Variants in EPHA8 observed in about 807,000 individuals in gnomAD.
EPHA8 encodes EPH receptor A8, also known as ephrin type-A receptor 8.
In EPHA8, 58 loss-of-function variants were observed where a neutral mutation model predicts 103.6. The ratio of observed to expected loss-of-function variants is 0.56; its 90% CI spans 0.45 to 0.70. The LOEUF (loss-of-function observed/expected upper bound fraction) is 0.70, where lower values mean the gene tolerates loss of function less well. Ranked by LOEUF, EPHA8 falls within the 30% of genes least tolerant of loss-of-function variation. The pLI, the probability that EPHA8 is intolerant of heterozygous loss-of-function variation, is 0.00. For missense variants in EPHA8, 1,304 were observed against 1,395.2 expected, an observed-to-expected ratio of 0.93 and a Z score of 1.04; for synonymous variants, 559 against 572.5, an observed-to-expected ratio of 0.98 and a Z score of 0.34.
Position 22,569,327 on chromosome 1 carries a change from G to A in EPHA8, c.133G>A (p.Gly45Ser), listed in dbSNP as rs45498698. ...LDTSTIHGDW[G>S]WLTYPAHGWD... Reference sequence around the variant, plus strand: ...CACGTCGACCATCCACGGGGACTGGGGCTGGCTCACGTATCCGGCTCATGG... The same window carrying A: ...CACGTCGACCATCCACGGGGACTGGAGCTGGCTCACGTATCCGGCTCATGG... The change falls in exon 2 of 17, where the codon GGC (glycine) becomes AGC (serine). Residue 45 changes from glycine to serine, a missense_variant. Coordinates refer to ENST00000166244, the MANE Select transcript of EPHA8 (RefSeq NM_020526.5). The surrounding 1 kb of genome is among the most constrained non-coding windows in gnomAD (Gnocchi z 4.5). 14,853 of 1,607,030 alleles carry A rather than the reference G, an allele frequency of 9.2e-3. 93 individuals are homozygous for A. Among genetic ancestry groups the A allele is most frequent in the Non-Finnish European group, 0.011 (12,556 of 1,176,754 alleles).
intron 2 of EPHA8, among the ~76,000 whole-genome samples, chr1:22,571,438 G>A (rs1372967236): frequency 1.3e-5 from 2 of 152,144 alleles, no homozygotes; most frequent in Non-Finnish European, 2.9e-5. Context: ...GGCAAGCTGG[G>A]ACTCAAACTT....
At chr1:22,577,914 CGTGAGTGT>C (rs1205226075) in intron 3 of EPHA8, among the ~76,000 whole-genome samples, 5 of 20,008 alleles carry the variant, frequency 2.5e-4, no homozygotes, top group Admixed American at 9.4e-4. Context: ...TGTATGTGTG[CGTGAGTGT>C]ATGTGTGCGT....
intron 5 of EPHA8, 73 bp from the exon 6 acceptor site, chr1:22,593,253 A>G: frequency 6.6e-7 from 1 of 1,513,362 alleles, no homozygotes; most frequent in South Asian, 1.2e-5. Flanking sequence ...CCCCAGGTGG[A>G]ACCTGGGAAG....
intron 13 of EPHA8, among the ~76,000 whole-genome samples, chr1:22,599,886 G>GA (rs1641655149): frequency 1.8e-5 from 1 of 56,312 alleles, no homozygotes; most frequent in Non-Finnish European, 3.4e-5. Flanking sequence ...GGAGGGAGTG[G>GA]GGGAGGAAGG....
chr1:22,568,157 T>A (rs1640420470), intron 1 of EPHA8, among the ~76,000 whole-genome samples: 1 of 152,222 alleles, frequency 6.6e-6, no homozygotes, highest in Non-Finnish European at 1.5e-5. Context: ...AGGCTTCACG[T>A]AATTTCCTGA....
intron 2 of EPHA8, among the ~76,000 whole-genome samples, chr1:22,573,225 G>T (rs921686105): frequency 7.9e-5 from 12 of 152,138 alleles, no homozygotes; most frequent in Admixed American, 7.9e-4. Context: ...AAATCCTCCC[G>T]CATGGTCCCT....
At chr1:22,593,881 G>A (rs1238710841) in intron 7 of EPHA8, among the ~76,000 whole-genome samples, 195 bp downstream of exon 7, 1 of 152,236 alleles carries the variant, frequency 6.6e-6, no homozygotes, top group African/African-American at 2.4e-5. Flanking sequence ...CACCCAGGCT[G>A]GAGTGCAGTG....
intron 3 of EPHA8, among the ~76,000 whole-genome samples, chr1:22,580,825 G>A (rs899536086): frequency 6.6e-6 from 1 of 152,238 alleles, no homozygotes; most frequent in African/African-American, 2.4e-5. Flanking sequence ...GTGAGAGCTG[G>A]AGCCTGAAGA....
intron 4 of EPHA8, among the ~76,000 whole-genome samples, chr1:22,587,427 G>T (rs10917261): frequency 0.17 from 25,487 of 152,176 alleles, 2,358 homozygotes; most frequent in African/African-American, 0.26. Flanking sequence ...CCCTGCAAGG[G>T]TGCATGTGCC....
At position 22,603,079 on chromosome 1, in the gene EPHA8, C is replaced by T. The variant is rs972523528; in HGVS notation, c.*1338C>T. ...GCACCCAGGGTGAGAAAGCCCCATC[C>T]CGGGGGCCGTTGGCAGGCAGGGAAG... is the stretch of plus-strand genomic sequence containing the variant. On this transcript the variant is annotated 3_prime_UTR_variant, in exon 17 of 17. Transcript: ENST00000166244. 3.3e-5 allele frequency: 5 copies of T among 152,548 alleles called. No individual in the cohort carries two copies. Among genetic ancestry groups the T allele is most frequent in the African/African-American group, 9.7e-5 (4 of 41,414 alleles). The allele number at this position is 152,548 out of a possible 1,614,324, so 9.4% of individuals were successfully genotyped here. A position where few individuals can be genotyped will look rare whatever the true frequency, so the allele number is the denominator to read the frequency against.
At chr1:22,574,080 G>A (rs1418604600) in intron 2 of EPHA8, among the ~76,000 whole-genome samples, 3 of 152,196 alleles carry the variant, frequency 2.0e-5, no homozygotes, top group Non-Finnish European at 4.4e-5. Context: ...CCGGGTTCAC[G>A]CCATTCTCCT....
rs751447480 is a variant in EPHA8, at chr1:22,567,017, CT to C, written c.95-2271del. Among the ~76,000 whole-genome samples the C allele has an allele frequency of 6.6e-6, 1 of 152,206 alleles. No homozygotes were observed. The highest frequency in any genetic ancestry group is 1.5e-5 in the Non-Finnish European group (1 of 68,034). On this transcript the variant is annotated intron_variant, in intron 1 of 16. Transcript: ENST00000166244. The surrounding 1 kb of genome is among the most constrained non-coding windows in gnomAD (Gnocchi z 4.2). Reference sequence around the variant, plus strand: ...CTTATCTTTGGATTATCTGATCCCCCTGGCTGGTTGATCAAGAATCAGCTGC... The same window carrying C: ...CTTATCTTTGGATTATCTGATCCCCCGGCTGGTTGATCAAGAATCAGCTGC...
At chr1:22,577,186 G>A (rs570874035) in intron 3 of EPHA8, among the ~76,000 whole-genome samples, 37 of 152,282 alleles carry the variant, frequency 2.4e-4, no homozygotes, top group African/African-American at 7.9e-4. Flanking sequence ...GTATGCTATG[G>A]GATTCCTACC....
intron 1 of EPHA8, among the ~76,000 whole-genome samples, chr1:22,565,435 G>C (rs1416729790): frequency 6.6e-6 from 1 of 152,166 alleles, no homozygotes; most frequent in Non-Finnish European, 1.5e-5. Flanking sequence ...GGGCAAGATT[G>C]GAATCTAAGA....
intron 5 of EPHA8, among the ~76,000 whole-genome samples, chr1:22,592,044 C>T (rs1401873017): frequency 1.3e-5 from 2 of 152,194 alleles, no homozygotes; most frequent in Non-Finnish European, 2.9e-5. Context: ...AGCCCCGTGC[C>T]CAGCATGTGA....
At chr1:22,594,039 G>C (rs941759727) in intron 7 of EPHA8, among the ~76,000 whole-genome samples, 3 of 152,158 alleles carry the variant, frequency 2.0e-5, no homozygotes. Flanking sequence ...CACCATCTTG[G>C]CCAGGCTGGT....
chr1:22,577,950 T>A (rs1640776877), intron 3 of EPHA8, among the ~76,000 whole-genome samples: 1 of 116,920 alleles, frequency 8.6e-6, no homozygotes, highest in South Asian at 3.2e-4. Context: ...TGTGTGCGAG[T>A]GTATGCATGT....
intron 3 of EPHA8, among the ~76,000 whole-genome samples, chr1:22,585,027 CTGTGTGTG>C (rs772415643): frequency 2.0e-5 from 3 of 147,464 alleles, no homozygotes; most frequent in Admixed American, 1.4e-4. Flanking sequence ...GGTCGTTTCT[CTGTGTGTG>C]TGTGTGTGTG....
Position 22,597,248 on chromosome 1 carries a change from A to G in EPHA8, c.1766-64A>G, listed in dbSNP as rs1641542549. The G allele has an allele frequency of 1.6e-6, 2 of 1,245,280 alleles. No individual in the cohort carries two copies. Among genetic ancestry groups the G allele is most frequent in the Admixed American group, 4.2e-5 (2 of 47,146 alleles). The allele number at this position is 1,245,280 out of a possible 1,614,324, so 77.1% of individuals were successfully genotyped here. A position where few individuals can be genotyped will look rare whatever the true frequency, so the allele number is the denominator to read the frequency against. On this transcript the variant is annotated intron_variant, in intron 9 of 16. Transcript: ENST00000166244. The surrounding 1 kb of genome is among the most constrained non-coding windows in gnomAD (Gnocchi z 4.6). ...CCCACCCCAGACCCATCCCAGGCCC[A>G]GGGAATGTCAGGAAAAAGCAATCTC... is the stretch of plus-strand genomic sequence containing the variant.
Sources: gnomAD v4.1 joint callset for allele counts (sites outside exome capture counted in the v4.1 genomes callset) on GRCh38, gnomAD v4.1.1 for gene constraint, Gnocchi (gnomAD v3.1) non-coding constraint, MANE v1.5 for transcripts, NCBI Gene and HGNC (gene_info 2026-07-23, HGNC 2026-07-21) for gene names.